TRPM8: variants seen among roughly 807,000 people sequenced by gnomAD.
The protein encoded by TRPM8 is TRPM8 cationic channel.
In TRPM8, 110 loss-of-function variants were observed where a neutral mutation model predicts 133.7. The observed-to-expected ratio is 0.82, with a 90% CI of 0.70 to 0.96. The LOEUF (loss-of-function observed/expected upper bound fraction) is 0.96, where lower values mean the gene tolerates loss of function less well. TRPM8 is among the 40% of genes least tolerant of loss of function. The probability of loss-of-function intolerance (pLI) is 0.00; values close to 1 mark genes in which losing one functional copy is unlikely to be tolerated. For synonymous variants in TRPM8, 535 were observed against 532.3 expected (o/e 1.01, Z -0.07); for missense variants, 1,291 against 1,379.5 (o/e 0.94, Z 1.02).
intron 1 of TRPM8, among the ~76,000 whole-genome samples, chr2:233,921,712 T>C (rs1024864638): frequency 2.1e-5 from 3 of 144,680 alleles, no homozygotes; most frequent in African/African-American, 7.9e-5. Flanking sequence ...AGTCTTACTC[T>C]GTCACCCAGG....
At chr2:233,963,239 A>G in intron 12 of TRPM8, 43 bp from the exon 13 acceptor site, 1 of 1,393,068 alleles carries the variant, frequency 7.2e-7, no homozygotes, top group South Asian at 1.2e-5. Flanking sequence ...ATCCCAGAAC[A>G]GTTTCCATTT....
chr2:233,982,745 CA>C (rs1172258677), intron 19 of TRPM8, among the ~76,000 whole-genome samples: 2 of 152,138 alleles, frequency 1.3e-5, no homozygotes. Context: ...AGAGGTCCTC[CA>C]AAACTTAGAT....
intron 13 of TRPM8, 132 bp downstream of exon 13, chr2:233,963,509 T>C: frequency 1.6e-6 from 1 of 606,122 alleles, no homozygotes; most frequent in South Asian, 2.4e-5. Flanking sequence ...CAGATGAACA[T>C]GGTCTCTGTT....
chr2:234,011,932 A>AAAAC, intron 24 of TRPM8, among the ~76,000 whole-genome samples: 1 of 151,436 alleles, frequency 6.6e-6, no homozygotes, highest in African/African-American at 2.4e-5. Flanking sequence ...AAAAAAAAAA[A>AAAAC]AAAGATTTCC....
Position 233,981,779 on chromosome 2 carries a change from A to G in TRPM8, c.2453A>G (p.His818Arg). 6.2e-7 allele frequency: 1 copy of G among 1,607,522 alleles called. No homozygotes were observed. Among genetic ancestry groups the G allele is most frequent in the Non-Finnish European group, 8.5e-7 (1 of 1,177,992 alleles). Residue 818 changes from histidine to arginine, a missense_variant, in exon 19 of 26, where the codon CAC becomes CGC. Coordinates refer to ENST00000324695, the MANE Select transcript of TRPM8 (RefSeq NM_024080.5). Reference protein sequence around the residue: ...YFIAGIVFRLHSSNKSSLYSG... With the variant: ...YFIAGIVFRLRSSNKSSLYSG... The stretch of plus-strand genomic sequence containing the variant: ...GTTCCTTCTTTTCCCCCTAGGCTCC[A>G]CTCTTCTAATAAAAGCTCTTTGTAT...
In TRPM8 at chr2:233,945,889, T is replaced by C. The variant is rs1691029805; in HGVS notation, c.733T>C (p.Phe245Leu). 1.2e-6 allele frequency: 2 copies of C among 1,614,142 alleles called. No homozygotes were observed. Among genetic ancestry groups the C allele is most frequent in the Non-Finnish European group, 1.7e-6 (2 of 1,179,978 alleles). Reference protein sequence around the residue: ...YFLAQYLMDDFTRDPLYILDN... With the variant: ...YFLAQYLMDDLTRDPLYILDN... Reference sequence around the variant, plus strand: ...TTTAGCCCAGTACCTTATGGATGACTTCACAAGAGATCCACTGTATATCCT... The same window carrying C: ...TTTAGCCCAGTACCTTATGGATGACCTCACAAGAGATCCACTGTATATCCT... Residue 245 changes from phenylalanine to leucine, a missense_variant, in exon 7 of 26, where the codon TTC becomes CTC. By Grantham distance (22) the Phe-to-Leu change is conservative. This residue lies in a region of TRPM8 where 963 missense variants were observed against 968.9 expected (regional missense o/e 0.99). Coordinates refer to ENST00000324695, the MANE Select transcript of TRPM8 (RefSeq NM_024080.5).
chr2:233,964,823 G>T, intron 14 of TRPM8, 66 bp downstream of exon 14: 1 of 1,503,592 alleles, frequency 6.7e-7, no homozygotes. Context: ...CATTGCCAGC[G>T]GCACTCATAG....
rs1692230346 is a variant in TRPM8 at position 233,989,811 on chromosome 2, G to T, written c.2939+3946G>T. 6.6e-6 allele frequency among the ~76,000 whole-genome samples: 1 copy of T among 152,192 alleles called. No homozygotes were observed. Among genetic ancestry groups the T allele is most frequent in the South Asian group, 2.1e-4 (1 of 4,830 alleles). On this transcript the variant is annotated intron_variant, in intron 21 of 25. Coordinates refer to ENST00000324695, the MANE Select transcript of TRPM8 (RefSeq NM_024080.5). The surrounding 1 kb of genome is among the most constrained non-coding windows in gnomAD (Gnocchi z 4.2). Reference sequence around the variant, plus strand: ...ATTAAAATTATCGATCACAGGGCCTGTGTGGCTTATCAGCGGCAGGAAGTG... The same window carrying T: ...ATTAAAATTATCGATCACAGGGCCTTTGTGGCTTATCAGCGGCAGGAAGTG...
At chr2:233,961,630 C>T (rs1232694807) in intron 12 of TRPM8, among the ~76,000 whole-genome samples, 26 of 111,674 alleles carry the variant, frequency 2.3e-4, no homozygotes, top group Non-Finnish European at 4.3e-4. Flanking sequence ...CTTTTCTTTT[C>T]TTTTTTTTTT....
Position 233,930,740 on chromosome 2 carries a change from A to T in TRPM8, c.190A>T (p.Thr64Ser). Residue 64 changes from threonine (T) to serine (S), a missense_variant and splice_region_variant, in exon 3 of 26, where the codon ACG becomes TCG. Transcript: ENST00000324695. ...CTTCTTTACCAAAGATTCCAAGGCC[A>T]CGTAAGCTACTATTTTCCCTCCAGT... is the stretch of plus-strand genomic sequence containing the variant. ...CVFFTKDSKA[T>S]ENVCKCGYAQ... The T allele has an allele frequency of 6.2e-7, 1 of 1,602,828 alleles. No individual in the cohort carries two copies. Among genetic ancestry groups the T allele is most frequent in the Non-Finnish European group, 8.5e-7 (1 of 1,172,876 alleles).
In TRPM8 at chr2:234,018,899, G is replaced by A. The variant is rs528711256; in HGVS notation, c.*1643G>A. 1 of 148,304 alleles carries A rather than the reference G, an allele frequency of 6.7e-6. No individual in the cohort carries two copies. Among genetic ancestry groups the A allele is most frequent in the East Asian group, 1.9e-4 (1 of 5,182 alleles). The allele number at this position is 148,304 out of a possible 1,614,324, so 9.2% of individuals were successfully genotyped here. On this transcript the variant is annotated 3_prime_UTR_variant, in exon 26 of 26. Coordinates refer to ENST00000324695, the MANE Select transcript of TRPM8 (RefSeq NM_024080.5). ...AAATAAATATTATGGATGGTGAAGG[G>A]AATGGTATAGAATTGGAGAGATTAT...
chr2:233,963,178 C>A (rs753939249), intron 12 of TRPM8, 104 bp from the exon 13 acceptor site: 1 of 627,724 alleles, frequency 1.6e-6, no homozygotes, highest in Middle Eastern at 2.6e-4. Flanking sequence ...TGGAGTCATG[C>A]ACAAAGCCAC....
intron 1 of TRPM8, among the ~76,000 whole-genome samples, chr2:233,923,732 C>T (rs780981622): frequency 1.4e-4 from 21 of 152,144 alleles, no homozygotes; most frequent in Admixed American, 4.6e-4. Flanking sequence ...CAGCTTCTGT[C>T]GTGCCTGGGG....
intron 2 of TRPM8, among the ~76,000 whole-genome samples, chr2:233,927,799 C>CT (rs1691571293): frequency 2.9e-5 from 1 of 33,980 alleles, no homozygotes; most frequent in Non-Finnish European, 4.7e-5. Context: ...TCTTTTCTTT[C>CT]CTTCCTTCCT....
intron 1 of TRPM8, among the ~76,000 whole-genome samples, chr2:233,925,911 C>T (rs1036806093): frequency 2.6e-5 from 4 of 151,922 alleles, no homozygotes; most frequent in South Asian, 2.1e-4. Context: ...GCAGGGACCC[C>T]GGGAAGCATT....
At chr2:233,926,843 T>C (rs959683817) in intron 2 of TRPM8, among the ~76,000 whole-genome samples, 189 bp downstream of exon 2, 5 of 152,200 alleles carry the variant, frequency 3.3e-5, no homozygotes, top group East Asian at 1.9e-4. Flanking sequence ...TCCAGCTCTA[T>C]GGCCAGGGTC....
intron 24 of TRPM8, among the ~76,000 whole-genome samples, chr2:234,010,084 A>G (rs529625930): frequency 3.9e-5 from 6 of 152,136 alleles, no homozygotes; most frequent in Non-Finnish European, 8.8e-5. Flanking sequence ...TCTAGAATTT[A>G]TTTATCTTGC....
rs940316929 is a variant in TRPM8 at position 234,009,685 on chromosome 2, C to T, written c.3264+1582C>T. On this transcript the variant is annotated intron_variant, in intron 24 of 25. Coordinates refer to ENST00000324695, the MANE Select transcript of TRPM8 (RefSeq NM_024080.5). Reference sequence around the variant, plus strand: ...GCTCTGTCTCTTTTTTTAAAATTTCCCCCTCTGTCCTCTTACTTCCCCTTC... The same window carrying T: ...GCTCTGTCTCTTTTTTTAAAATTTCTCCCTCTGTCCTCTTACTTCCCCTTC... Among the ~76,000 whole-genome samples, 42 of 152,210 alleles carry T rather than the reference C, an allele frequency of 2.8e-4. 1 individual carries two copies. Among genetic ancestry groups the T allele is most frequent in the African/African-American group, 9.9e-4 (41 of 41,524 alleles).
intron 3 of TRPM8, 104 bp from the exon 4 acceptor site, chr2:233,937,249 A>G (rs1574700831): frequency 2.9e-6 from 4 of 1,383,840 alleles, no homozygotes; most frequent in Non-Finnish European, 4.0e-6. Context: ...TGAAAATAAG[A>G]CTTGAAGGTA....
Sources: allele counts gnomAD v4.1 joint callset (sites outside exome capture counted in the v4.1 genomes callset), GRCh38; gene constraint gnomAD v4.1.1; regional missense constraint gnomAD v4.1.1; non-coding constraint Gnocchi (gnomAD v3.1); transcripts MANE v1.5; gene names NCBI Gene and HGNC (gene_info 2026-07-23, HGNC 2026-07-21).